TFB2M: variants seen among roughly 807,000 people sequenced by gnomAD.
TFB2M encodes dimethyladenosine transferase 2, mitochondrial.
In TFB2M, 44 loss-of-function variants were observed where a neutral mutation model predicts 41.3. The ratio of observed to expected loss-of-function variants is 1.07; its 90% CI spans 0.84 to 1.37. The LOEUF (loss-of-function observed/expected upper bound fraction) is 1.37. Among genes scored for constraint, TFB2M ranks in the 40% most tolerant of loss-of-function variants. The pLI, the probability that TFB2M is intolerant of heterozygous loss-of-function variation, is 0.00. For synonymous variants in TFB2M, 188 were observed against 176.8 expected, an observed-to-expected ratio of 1.06 and a Z score of -0.50; for missense variants, 496 against 490.2, an observed-to-expected ratio of 1.01 and a Z score of -0.11.
At chr1:246,560,197 G>A (rs898080506) in intron 2 of TFB2M, among the ~76,000 whole-genome samples, 2 of 152,060 alleles carry the variant, frequency 1.3e-5, no homozygotes, top group Non-Finnish European at 1.5e-5. Context: ...CCAAAAGATT[G>A]GACACCCCTG....
chr1:246,543,964 T>C (rs531234044), intron 7 of TFB2M, among the ~76,000 whole-genome samples: 54 of 152,298 alleles, frequency 3.5e-4, no homozygotes, highest in African/African-American at 1.3e-3. Context: ...CACTTCAGCC[T>C]GGACAACACA....
At chr1:246,550,433 G>A (rs908888090) in intron 5 of TFB2M, among the ~76,000 whole-genome samples, 1 of 150,982 alleles carries the variant, frequency 6.6e-6, no homozygotes, top group East Asian at 2.0e-4. Flanking sequence ...TTTTTGAGGG[G>A]AAAAAAAAAG....
chr1:246,557,245 C>A, intron 3 of TFB2M, 136 bp downstream of exon 3: 1 of 1,013,414 alleles, frequency 9.9e-7, no homozygotes, highest in Non-Finnish European at 1.4e-6. Context: ...TGCACTCCAG[C>A]CTGGGTGACA....
chr1:246,562,260 A>C (rs183413388), intron 2 of TFB2M, among the ~76,000 whole-genome samples: 6 of 152,212 alleles, frequency 3.9e-5, no homozygotes, highest in African/African-American at 1.4e-4. Flanking sequence ...AAGTTTCCTA[A>C]GTTGAAACGG....
chr1:246,545,533 G>T (rs112275414), intron 6 of TFB2M, among the ~76,000 whole-genome samples: 2 of 151,802 alleles, frequency 1.3e-5, no homozygotes, highest in African/African-American at 2.4e-5. Context: ...AAAAGGGCAG[G>T]CTTGCTTAAT....
chr1:246,563,219 T>A (rs966740835), intron 2 of TFB2M, among the ~76,000 whole-genome samples: 6 of 136,960 alleles, frequency 4.4e-5, no homozygotes, highest in African/African-American at 1.1e-4. Context: ...TTTTTTTTTT[T>A]ACTGTACTAA....
rs1659330399 is a variant in TFB2M, at chr1:246,556,646, A to G, written c.632T>C (p.Leu211Ser). Residue 211 changes from leucine to serine, a missense_variant, in exon 4 of 8, where the codon TTG becomes TCG. Transcript: ENST00000366514. ...KRALWKLAYD[L>S]YSCTSIYKFG... ...TTTATATATAGAAGTACAGGAATAC[A>G]AGTCATATGCGAGTTTCCAAAGTGC... 1 of 1,580,710 alleles carries G rather than the reference A, an allele frequency of 6.3e-7. No homozygotes were observed. Among genetic ancestry groups the G allele is most frequent in the South Asian group, 1.2e-5 (1 of 84,802 alleles).
intron 7 of TFB2M, among the ~76,000 whole-genome samples, chr1:246,542,583 G>A (rs1171632371): frequency 6.6e-6 from 1 of 152,144 alleles, no homozygotes; most frequent in East Asian, 1.9e-4. Flanking sequence ...GGCTGAGGCA[G>A]GATCACTTGA....
chr1:246,564,520 T>G, intron 1 of TFB2M, 86 bp from the exon 2 acceptor site: 1 of 1,240,720 alleles, frequency 8.1e-7, no homozygotes, highest in East Asian at 2.4e-5. Context: ...GTTTCACACG[T>G]TATTACCTGG....
At chr1:246,557,604 C>T (rs1163035159) in intron 2 of TFB2M, 70 bp from the exon 3 acceptor site, 9 of 1,243,256 alleles carry the variant, frequency 7.2e-6, no homozygotes, top group Non-Finnish European at 8.8e-6. Context: ...ATTCAAAAAA[C>T]TCTACTTCAA....
chr1:246,545,496 C>G (rs973064033), intron 6 of TFB2M, among the ~76,000 whole-genome samples: 3 of 151,876 alleles, frequency 2.0e-5, no homozygotes, highest in Non-Finnish European at 4.4e-5. Context: ...GGCTGGTTGA[C>G]AGAGCCAGGC....
At chr1:246,556,046 C>T (rs1484371968) in intron 4 of TFB2M, among the ~76,000 whole-genome samples, 1 of 152,176 alleles carries the variant, frequency 6.6e-6, no homozygotes, top group African/African-American at 2.4e-5. Flanking sequence ...ATGCCTTGGC[C>T]TCCCAGAGTG....
intron 4 of TFB2M, among the ~76,000 whole-genome samples, chr1:246,551,657 A>G (rs1281609961): frequency 2.0e-5 from 3 of 151,704 alleles, no homozygotes. Flanking sequence ...GAAGTTCAAG[A>G]CCAGCCTGGG....
intron 3 of TFB2M, among the ~76,000 whole-genome samples, chr1:246,557,003 G>A (rs1659341392): frequency 6.6e-6 from 1 of 152,110 alleles, no homozygotes; most frequent in African/African-American, 2.4e-5. Context: ...GCGGGGTACG[G>A]TGGCTCACAT....
Position 246,541,090 on chromosome 1 carries a change from CT to C in TFB2M, c.1131del (p.Ile377MetfsTer23). 2 of 1,614,096 alleles carry C rather than the reference CT, an allele frequency of 1.2e-6. No homozygotes were observed. Among genetic ancestry groups the C allele is most frequent in the Non-Finnish European group, 1.7e-6 (2 of 1,180,004 alleles). ...PQDFKTLFET[I>X]ERSKDCAYKW... Reference sequence around the variant, plus strand: ...TTATAAGCACAATCTTTGGAACGCTCTATAGTTTCAAAAAGTGTTTTGAAGT... The same window carrying C: ...TTATAAGCACAATCTTTGGAACGCTCATAGTTTCAAAAAGTGTTTTGAAGT... On this transcript the variant is annotated frameshift_variant, in exon 8 of 8. Coordinates refer to ENST00000366514, the MANE Select transcript of TFB2M (RefSeq NM_022366.3). LOFTEE classifies it low-confidence loss of function (END_TRUNC).
intron 7 of TFB2M, 24 bp downstream of exon 7, chr1:246,544,497 C>T (rs181416214): frequency 5.8e-5 from 91 of 1,568,608 alleles, no homozygotes; most frequent in Non-Finnish European, 7.1e-5. Context: ...CTACTTTATA[C>T]TTGCTTTTAT....
chr1:246,541,942 T>C (rs904868570), intron 7 of TFB2M, among the ~76,000 whole-genome samples: 3 of 152,210 alleles, frequency 2.0e-5, no homozygotes, highest in Non-Finnish European at 4.4e-5. Flanking sequence ...TCCTGAGAAA[T>C]GCACTGTTAG....
intron 7 of TFB2M, 114 bp downstream of exon 7, chr1:246,544,407 G>A: frequency 2.1e-6 from 2 of 953,356 alleles, no homozygotes; most frequent in Non-Finnish European, 3.1e-6. Flanking sequence ...AGAAATATGA[G>A]GGAAAACATG....
chr1:246,553,436 G>A (rs1021246989), intron 4 of TFB2M, among the ~76,000 whole-genome samples: 11 of 152,330 alleles, frequency 7.2e-5, no homozygotes, highest in African/African-American at 2.4e-4. Context: ...TCAGGAGACT[G>A]AGGTAGAAGG....
Sources: allele counts gnomAD v4.1 joint callset (sites outside exome capture counted in the v4.1 genomes callset), GRCh38; gene constraint gnomAD v4.1.1; transcripts MANE v1.5; gene names NCBI Gene and HGNC (gene_info 2026-07-23, HGNC 2026-07-21).